TMC1: variants seen among roughly 807,000 people sequenced by gnomAD.
TMC1 encodes the protein transmembrane channel-like protein 1.
In TMC1, 84 loss-of-function variants were observed where a neutral mutation model predicts 105.8. The observed-to-expected ratio is 0.79, with a 90% CI of 0.67 to 0.95. The LOEUF is 0.95. Ranked by LOEUF, TMC1 falls within the 40% of genes least tolerant of loss-of-function variation. TMC1 has a pLI of 0.00. For synonymous variants in TMC1, 315 were observed against 311.5 expected, an observed-to-expected ratio of 1.01 and a Z score of -0.12; for missense variants, 817 against 914.1, an observed-to-expected ratio of 0.89 and a Z score of 1.37.
intron 8 of TMC1, among the ~76,000 whole-genome samples, chr9:72,704,892 A>C (rs763916394): frequency 4.6e-5 from 7 of 152,216 alleles, no homozygotes; most frequent in South Asian, 2.1e-4. Flanking sequence ...AAGCTCCACT[A>C]AACAGAATAC....
intron 3 of TMC1, among the ~76,000 whole-genome samples, chr9:72,626,344 G>A (rs1351728967): frequency 1.3e-5 from 2 of 152,170 alleles, no homozygotes; most frequent in Non-Finnish European, 2.9e-5. Context: ...TAGAGGTCTG[G>A]AGCTAAGGAG....
intron 5 of TMC1, among the ~76,000 whole-genome samples, chr9:72,660,700 C>T (rs771427005): frequency 1.3e-5 from 2 of 152,118 alleles, no homozygotes; most frequent in Admixed American, 1.3e-4. Flanking sequence ...AAAAATATCT[C>T]CTGAACTGTG....
chr9:72,588,500 T>A (rs1824587610), intron 2 of TMC1, among the ~76,000 whole-genome samples: 1 of 152,182 alleles, frequency 6.6e-6, no homozygotes, highest in Non-Finnish European at 1.5e-5. Flanking sequence ...GCTGTCAGCT[T>A]GACCACCTAC....
chr9:72,706,457 A>G (rs950039561), intron 8 of TMC1, among the ~76,000 whole-genome samples: 2 of 152,258 alleles, frequency 1.3e-5, no homozygotes, highest in Admixed American at 1.3e-4. Flanking sequence ...CTTGGGGAAC[A>G]GGTGGTATTT....
chr9:72,655,741 C>T (rs1437110736), intron 5 of TMC1: 2 of 405,158 alleles, frequency 4.9e-6, no homozygotes, highest in Non-Finnish European at 9.1e-6. Context: ...GAATCCGTAT[C>T]AAAAAAAAAA....
intron 13 of TMC1, among the ~76,000 whole-genome samples, chr9:72,777,023 A>G (rs953213273): frequency 2.0e-5 from 3 of 152,156 alleles, no homozygotes; most frequent in African/African-American, 7.2e-5. Context: ...AAAAAAATTA[A>G]ACTTATCAAA....
intron 1 of TMC1, among the ~76,000 whole-genome samples, chr9:72,545,583 G>C (rs1321329278): frequency 1.3e-5 from 2 of 152,120 alleles, no homozygotes; most frequent in Admixed American, 6.6e-5. Context: ...TGCCTCCTGG[G>C]TTCAAGTGAT....
chr9:72,630,010 C>T (rs1035172031), intron 4 of TMC1, among the ~76,000 whole-genome samples: 2 of 151,958 alleles, frequency 1.3e-5, no homozygotes, highest in African/African-American at 2.4e-5. Flanking sequence ...GGATTACAGG[C>T]GCCTGCCACC....
intron 2 of TMC1, among the ~76,000 whole-genome samples, chr9:72,601,211 C>G: frequency 6.7e-6 from 1 of 149,494 alleles, no homozygotes; most frequent in East Asian, 1.9e-4. Flanking sequence ...CACACACACA[C>G]ACACACACAA....
intron 5 of TMC1, among the ~76,000 whole-genome samples, chr9:72,684,412 T>C (rs1826341727): frequency 6.6e-6 from 1 of 152,170 alleles, no homozygotes; most frequent in South Asian, 2.1e-4. Flanking sequence ...ATGCACATCT[T>C]CTGCCATCCA....
At chr9:72,700,911 A>G (rs1826635881) in intron 8 of TMC1, among the ~76,000 whole-genome samples, 1 of 151,796 alleles carries the variant, frequency 6.6e-6, no homozygotes. Flanking sequence ...ATATTTACAT[A>G]TATCTGTTTC....
chr9:72,626,658 C>T (rs968066973), intron 3 of TMC1, among the ~76,000 whole-genome samples: 1 of 152,074 alleles, frequency 6.6e-6, no homozygotes, highest in Non-Finnish European at 1.5e-5. Flanking sequence ...GAGTTAAATG[C>T]TATGGAGAGA....
At chr9:72,705,962 A>G (rs1826730816) in intron 8 of TMC1, among the ~76,000 whole-genome samples, 1 of 152,222 alleles carries the variant, frequency 6.6e-6, no homozygotes, top group Non-Finnish European at 1.5e-5. Flanking sequence ...CTCAGATTTC[A>G]TTCACACTTA....
intron 1 of TMC1, among the ~76,000 whole-genome samples, chr9:72,542,991 T>C (rs1823703950): frequency 6.6e-6 from 1 of 152,200 alleles, no homozygotes; most frequent in African/African-American, 2.4e-5. Flanking sequence ...GCCTCAGTTT[T>C]CTAATGTGTA....
At chr9:72,608,774 ATGGTT>A (rs1380787371) in intron 2 of TMC1, among the ~76,000 whole-genome samples, 17 of 152,002 alleles carry the variant, frequency 1.1e-4, no homozygotes, top group Non-Finnish European at 4.4e-5. Flanking sequence ...GGTGATACGT[ATGGTT>A]TAGTCCTTTA....
At chr9:72,806,198 A>C (rs539545230) in intron 18 of TMC1, among the ~76,000 whole-genome samples, 1 of 123,548 alleles carries the variant, frequency 8.1e-6, no homozygotes, top group Non-Finnish European at 1.8e-5. Context: ...CCCCTCCCGG[A>C]CGGGGCGGCT....
At chr9:72,750,538 G>C (rs1827566006) in intron 10 of TMC1, among the ~76,000 whole-genome samples, 1 of 140,416 alleles carries the variant, frequency 7.1e-6, no homozygotes, top group African/African-American at 2.7e-5. Flanking sequence ...TGCTTTAAGA[G>C]GGTGCTTTTT....
At chr9:72,806,317 C>T (rs1235152428) in intron 18 of TMC1, among the ~76,000 whole-genome samples, 1 of 149,424 alleles carries the variant, frequency 6.7e-6, no homozygotes, top group African/African-American at 2.5e-5. Context: ...GCGCCCCTCA[C>T]CTCCTGGACG....
At chr9:72,725,019 C>T (rs1827090136) in intron 8 of TMC1, among the ~76,000 whole-genome samples, 1 of 151,778 alleles carries the variant, frequency 6.6e-6, no homozygotes, top group Non-Finnish European at 1.5e-5. Context: ...AGAAATGTGT[C>T]CTTGCTGTTT....
Sources: allele counts gnomAD v4.1 joint callset (sites outside exome capture counted in the v4.1 genomes callset), GRCh38; gene constraint gnomAD v4.1.1; transcripts MANE v1.5; gene names NCBI Gene and HGNC (gene_info 2026-07-23, HGNC 2026-07-21).